GRK1: variants seen among roughly 807,000 people sequenced by gnomAD.
The protein encoded by GRK1 is G protein-coupled receptor kinase 1, also known as rhodopsin kinase GRK1.
In GRK1, 28 loss-of-function variants were observed where a neutral mutation model predicts 41.7. That is an observed-to-expected ratio of 0.67 (90% CI 0.50 to 0.92). The LOEUF is 0.92. GRK1 is among the 40% of genes least tolerant of loss of function. The probability of loss-of-function intolerance (pLI) is 0.00; values close to 1 mark genes in which losing one functional copy is unlikely to be tolerated. For missense variants in GRK1, 703 were observed against 671.2 expected (o/e 1.05, Z -0.52); for synonymous variants, 327 against 286.7 (o/e 1.14, Z -1.42).
At chr13:113,729,088 G>T (rs1479167359) in intron 4 of GRK1, among the ~76,000 whole-genome samples, 1 of 152,162 alleles carries the variant, frequency 6.6e-6, no homozygotes, top group African/African-American at 2.4e-5. Context: ...GCCTTTTAGG[G>T]TGCTGAGGAC....
At chr13:113,723,368 T>A (rs2049868542) in intron 4 of GRK1, among the ~76,000 whole-genome samples, 1 of 152,022 alleles carries the variant, frequency 6.6e-6, no homozygotes, top group Admixed American at 6.5e-5. Context: ...TTAGAAAGTT[T>A]ATTTTGCTGA....
chr13:113,723,828 GTC>G (rs1256862942), intron 4 of GRK1, among the ~76,000 whole-genome samples: 2 of 150,774 alleles, frequency 1.3e-5, no homozygotes, highest in Non-Finnish European at 3.0e-5. Flanking sequence ...CCATGCCTGT[GTC>G]TCTGTGCACA....
the GRK1 span, among the ~76,000 whole-genome samples, chr13:113,652,197 T>G: frequency 0.17 from 25,128 of 152,076 alleles, 2,468 homozygotes; most frequent in African/African-American, 0.26. Flanking sequence ...GCTCCGAGGG[T>G]GGCAGCTGCC....
chr13:113,731,447 T>G lies in GRK1; in HGVS notation c.1194+104T>G. On this transcript the variant is annotated intron_variant, in intron 5 of 6. Coordinates refer to ENST00000335678, the MANE Select transcript of GRK1 (RefSeq NM_002929.3). The surrounding 1 kb of genome is among the most constrained non-coding windows in gnomAD (Gnocchi z 5.6). ...GTTACTGGGGCAGACCTGGGAGTTG[T>G]TCTGTGGGCCCTGGGGTGGGGAGGG... 1 of 1,462,942 alleles carries G rather than the reference T, an allele frequency of 6.8e-7. No homozygotes were observed. The highest frequency in any genetic ancestry group is 9.1e-7 in the Non-Finnish European group (1 of 1,096,194). The allele number at this position is 1,462,942 out of a possible 1,614,324, so 90.6% of individuals were successfully genotyped here.
At position 113,735,217 on chromosome 13, in the gene GRK1, A is replaced by G. The variant is rs1453652747; in HGVS notation, c.1546A>G (p.Ile516Val). 3 of 1,537,068 alleles carry G rather than the reference A, an allele frequency of 2.0e-6. No homozygotes were observed. Among genetic ancestry groups the G allele is most frequent in the East Asian group, 2.4e-5 (1 of 40,932 alleles). ...FQEFATGNCP[I>V]PWQEEMIETG... ...GGAATTTGCCACTGGCAACTGCCCC[A>G]TCCCCTGGCAGGAGGAGATGATCGA... Residue 516 changes from isoleucine to valine, a missense_variant, in exon 7 of 7, where the codon ATC becomes GTC. By Grantham distance (29) the Ile-to-Val change is conservative. Coordinates refer to ENST00000335678, the MANE Select transcript of GRK1 (RefSeq NM_002929.3).
At chr13:113,668,560 G>A (rs766171474) in intron 1 of GRK1, among the ~76,000 whole-genome samples, 20 of 152,254 alleles carry the variant, frequency 1.3e-4, no homozygotes, top group African/African-American at 3.1e-4. Context: ...CTGGCGTGAC[G>A]CCGGGGGCAG....
At chr13:113,650,587 G>A in the GRK1 span, 27 of 1,076,382 alleles carry the variant, frequency 2.5e-5, no homozygotes, top group Non-Finnish European at 3.1e-5. The surrounding 1 kb of genome is among the most constrained non-coding windows in gnomAD (Gnocchi z 5.0). Context: ...GTGTGCGTGT[G>A]TGCACACACG....
In GRK1 at chr13:113,731,324, T is replaced by G. The variant is rs1442955535; in HGVS notation, c.1175T>G (p.Phe392Cys). The change falls in exon 5 of 7, where the codon TTC becomes TGC. Residue 392 changes from phenylalanine to cysteine, a missense_variant. Physicochemically the swap from Phe to Cys is radical, Grantham distance 205. Transcript: ENST00000335678. The surrounding 1 kb of genome is among the most constrained non-coding windows in gnomAD (Gnocchi z 5.6). Reference protein sequence around the residue: ...LYEMIAARGPFRARGEKVENK... With the variant: ...LYEMIAARGPCRARGEKVENK... ...GAGATGATTGCGGCCAGAGGACCCTTCCGAGCCCGTGGAGAGAAGGTAGGA... is the reference window on the plus strand; with the variant it reads ...GAGATGATTGCGGCCAGAGGACCCTGCCGAGCCCGTGGAGAGAAGGTAGGA... 2.0e-6 allele frequency: 3 copies of G among 1,536,776 alleles called. No homozygotes were observed. In the African/African-American group the frequency reaches 4.1e-5, roughly 21 times the overall value.
chr13:113,726,548 C>T (rs911477611), intron 4 of GRK1: 1 of 157,434 alleles, frequency 6.4e-6, no homozygotes, highest in Non-Finnish European at 1.4e-5. Context: ...GTAGAGCTGT[C>T]TCCCTCACGC....
the GRK1 span, among the ~76,000 whole-genome samples, chr13:113,656,134 G>A: frequency 6.6e-5 from 10 of 152,332 alleles, no homozygotes; most frequent in East Asian, 1.9e-4. Context: ...TGTGGGGCCC[G>A]CAGTGGTGGA....
intron 6 of GRK1, among the ~76,000 whole-genome samples, chr13:113,733,550 C>T (rs548322840): frequency 0.014 from 1,975 of 139,524 alleles, 45 homozygotes; most frequent in African/African-American, 0.048. Flanking sequence ...TGCGTGTGCG[C>T]GCACGTGTGT....
In GRK1 at chr13:113,667,371, G is replaced by C; in HGVS notation, c.-16G>C. 1 of 1,535,324 alleles carries C rather than the reference G, an allele frequency of 6.5e-7. No homozygotes were observed. The highest frequency in any genetic ancestry group is 8.8e-7 in the Non-Finnish European group (1 of 1,140,682). On this transcript the variant is annotated 5_prime_UTR_variant, in exon 1 of 7. Coordinates refer to ENST00000335678, the MANE Select transcript of GRK1 (RefSeq NM_002929.3). The surrounding 1 kb of genome is among the most constrained non-coding windows in gnomAD (Gnocchi z 7.5). ...CTGATGGGCCCTCACGCCTGAAGCG[G>C]GCAGGAAGCTCCGGGATGGATTTCG...
Position 113,733,868 on chromosome 13 carries a change from TGC to T in GRK1, c.1396+785_1396+786del, listed in dbSNP as rs1491449490. On this transcript the variant is annotated intron_variant, in intron 6 of 6. Coordinates refer to ENST00000335678, the MANE Select transcript of GRK1 (RefSeq NM_002929.3). The stretch of plus-strand genomic sequence containing the variant: ...GCATGTGTATGTGTGCATACGTGTG[TGC>T]GTGTGTGCATACGTGTGTGCGTGTG... Among the ~76,000 whole-genome samples, 59 of 135,822 alleles carry T rather than the reference TGC, an allele frequency of 4.3e-4. 3 individuals carry two copies. Among genetic ancestry groups the T allele is most frequent in the African/African-American group, 1.8e-3 (58 of 31,798 alleles). The allele number at this position is 135,822 out of a possible 152,430, so 89.1% of individuals were successfully genotyped here.
the GRK1 span, among the ~76,000 whole-genome samples, chr13:113,660,554 G>A: frequency 1.3e-5 from 2 of 152,210 alleles, no homozygotes; most frequent in African/African-American, 2.4e-5. Flanking sequence ...CACAAAGAAC[G>A]AGGACGATTT....
chr13:113,669,804 G>C lies in GRK1; in HGVS notation c.817G>C (p.Gly273Arg). Residue 273 changes from glycine (G) to arginine (R), a missense_variant, in exon 2 of 7, where the codon GGT becomes CGT. By Grantham distance (125) the Gly-to-Arg change is moderately radical. Coordinates refer to ENST00000335678, the MANE Select transcript of GRK1 (RefSeq NM_002929.3). ...TCTGGTGATGACCATCATGAACGGA[G>C]GTGACATCAGGTAAGGGCTGGGCCA... is the stretch of plus-strand genomic sequence containing the variant. The part of the protein sequence containing the change: ...LCLVMTIMNG[G>R]DIRYHIYNVN... 2 of 1,613,912 alleles carry C rather than the reference G, an allele frequency of 1.2e-6. No individual in the cohort carries two copies. Among genetic ancestry groups the C allele is most frequent in the Non-Finnish European group, 1.7e-6 (2 of 1,179,826 alleles).
the GRK1 span, chr13:113,657,994 C>A: frequency 1.0e-4 from 156 of 1,522,760 alleles, 1 homozygote; most frequent in African/African-American, 2.0e-3. Flanking sequence ...TCAGAGCGGC[C>A]CCCTCCATGC....
chr13:113,723,216 G>A, intron 4 of GRK1, 59 bp downstream of exon 4: 2 of 657,534 alleles, frequency 3.0e-6, no homozygotes, highest in Admixed American at 4.2e-5. Flanking sequence ...CTGTGTACAT[G>A]TGTGTGCCTG....
chr13:113,660,257 G>A, the GRK1 span, among the ~76,000 whole-genome samples: 1 of 152,138 alleles, frequency 6.6e-6, no homozygotes, highest in Non-Finnish European at 1.5e-5. Flanking sequence ...CAGACACAAC[G>A]TAGTAGAAAG....
intron 6 of GRK1, chr13:113,734,808 A>G: frequency 5.3e-6 from 2 of 377,718 alleles, no homozygotes; most frequent in East Asian, 4.2e-5. Flanking sequence ...AGGTCCTTTC[A>G]CAAGAAGGCT....
Sources: allele counts gnomAD v4.1 joint callset (sites outside exome capture counted in the v4.1 genomes callset), GRCh38; gene constraint gnomAD v4.1.1; non-coding constraint Gnocchi (gnomAD v3.1); transcripts MANE v1.5; gene names NCBI Gene and HGNC (gene_info 2026-07-23, HGNC 2026-07-21).